The following SDK1 variants were observed in gnomAD, a reference collection of about 807,000 sequenced individuals.
The protein encoded by SDK1 is sidekick cell adhesion molecule 1, also known as protein sidekick-1.
A neutral mutation model predicts 245.5 loss-of-function variants in SDK1; 157 were observed. That is an observed-to-expected ratio of 0.64 (90% CI 0.56 to 0.73). The LOEUF is 0.73. Among genes scored for constraint, SDK1 ranks in the 30% least tolerant of loss-of-function variants. The probability of loss-of-function intolerance (pLI) is 0.00; values close to 1 mark genes in which losing one functional copy is unlikely to be tolerated. For missense variants in SDK1, 3,583 were observed against 3,002.3 expected, an observed-to-expected ratio of 1.19 and a Z score of -4.52; for synonymous variants, 1,647 against 1,278.5, an observed-to-expected ratio of 1.29 and a Z score of -6.15.
rs182500683 is a variant in SDK1 at position 3,397,520 on chromosome 7, C to G, written c.298+95636C>G. On this transcript the variant is annotated intron_variant, in intron 1 of 44. Transcript: ENST00000404826. ...TTTGAATATGTCACATCAGTGCCTT[C>G]TGGTCTTTATGGTTTCTAACAAGAA... Among the ~76,000 whole-genome samples, 139 of 151,044 alleles carry G rather than the reference C, an allele frequency of 9.2e-4. 2 individuals carry two copies. Among genetic ancestry groups the G allele is most frequent in the Non-Finnish European group, 1.4e-3 (97 of 67,730 alleles).
At chr7:4,109,441 T>G (rs1382424714) in intron 22 of SDK1, among the ~76,000 whole-genome samples, 1 of 152,238 alleles carries the variant, frequency 6.6e-6, no homozygotes, top group Non-Finnish European at 1.5e-5. Context: ...GCACACTTAG[T>G]GAGCACGTTT....
intron 34 of SDK1, among the ~76,000 whole-genome samples, chr7:4,176,649 A>T (rs1782230460): frequency 6.6e-6 from 1 of 152,128 alleles, no homozygotes; most frequent in Admixed American, 6.5e-5. Context: ...CTAATTCGTT[A>T]TACCCCTCCC....
intron 5 of SDK1, among the ~76,000 whole-genome samples, chr7:3,898,753 A>G (rs12532171): frequency 0.21 from 32,323 of 152,036 alleles, 3,661 homozygotes; most frequent in Middle Eastern, 0.33. Flanking sequence ...TTGATTGCCA[A>G]ACTAAGTCTT....
At chr7:3,609,333 C>G (rs1237662654) in intron 1 of SDK1, among the ~76,000 whole-genome samples, 1 of 152,094 alleles carries the variant, frequency 6.6e-6, no homozygotes, top group African/African-American at 2.4e-5. Context: ...ATTGAGAAAC[C>G]CAGACATAGG....
intron 7 of SDK1, among the ~76,000 whole-genome samples, chr7:3,953,892 T>G (rs532065588): frequency 1.3e-5 from 2 of 152,314 alleles, no homozygotes; most frequent in Non-Finnish European, 2.9e-5. Context: ...TGGCGCACAC[T>G]GCAAAAACCC....
chr7:3,303,094 T>C (rs1779323583), intron 1 of SDK1, among the ~76,000 whole-genome samples: 1 of 152,248 alleles, frequency 6.6e-6, no homozygotes, highest in African/African-American at 2.4e-5. Flanking sequence ...ATGCTCCCTC[T>C]TATGTTTTAC....
chr7:3,591,669 G>A (rs991115936), intron 1 of SDK1, among the ~76,000 whole-genome samples: 2 of 152,220 alleles, frequency 1.3e-5, no homozygotes, highest in Admixed American at 6.5e-5. Flanking sequence ...AAGTGTTAAT[G>A]ATCACTGTGG....
In SDK1 at chr7:3,958,946, C is replaced by T. The variant is rs199574149; in HGVS notation, c.1166C>T (p.Thr389Ile). 6.8e-6 allele frequency: 11 copies of T among 1,613,864 alleles called. No homozygotes were observed. The African/African-American group carries it at 1.5e-4, about 22-fold the overall frequency. ...TTGTTTGAAGAGCCACCATATTTTA[C>T]TGCTGAGCCCGAGAGTCGGATTTCA... is the stretch of plus-strand genomic sequence containing the variant. ...FLFIIEPPYF[T>I]AEPESRISAE... The change falls in exon 8 of 45, where the codon ACT becomes ATT. Residue 389 changes from threonine to isoleucine, a missense_variant. Coordinates refer to ENST00000404826, the MANE Select transcript of SDK1 (RefSeq NM_152744.4).
intron 1 of SDK1, among the ~76,000 whole-genome samples, chr7:3,497,750 A>T (rs949948569): frequency 5.3e-5 from 8 of 152,210 alleles, no homozygotes; most frequent in African/African-American, 1.9e-4. Flanking sequence ...TAGGCCATGG[A>T]GAGCTTTTGA....
chr7:3,826,592 A>G (rs1208678638), intron 5 of SDK1, among the ~76,000 whole-genome samples: 1 of 152,182 alleles, frequency 6.6e-6, no homozygotes, highest in Non-Finnish European at 1.5e-5. Flanking sequence ...GAGTTAGTTT[A>G]GATAAAACGA....
intron 16 of SDK1, among the ~76,000 whole-genome samples, chr7:4,013,670 AC>A (rs1786161178): frequency 6.6e-6 from 1 of 152,210 alleles, no homozygotes; most frequent in African/African-American, 2.4e-5. Flanking sequence ...GCCTGTCAAA[AC>A]CAATTTGCCG....
At chr7:3,950,697 T>C (rs1780773113) in intron 5 of SDK1, among the ~76,000 whole-genome samples, 1 of 152,166 alleles carries the variant, frequency 6.6e-6, no homozygotes, top group African/African-American at 2.4e-5. Flanking sequence ...GTAGCCCCGT[T>C]GTAAGTTGAG....
At chr7:3,926,499 C>G (rs148176994) in intron 5 of SDK1, among the ~76,000 whole-genome samples, 10 of 152,160 alleles carry the variant, frequency 6.6e-5, no homozygotes, top group African/African-American at 2.2e-4. Flanking sequence ...CTCGCTCTTT[C>G]ACCCAGTCTG....
chr7:4,206,481 C>A (rs1463937292), intron 36 of SDK1, among the ~76,000 whole-genome samples: 5 of 152,228 alleles, frequency 3.3e-5, no homozygotes, highest in African/African-American at 1.2e-4. Context: ...TCATTCCTCA[C>A]AAGGTCCCAG....
chr7:3,532,033 A>T (rs1416697208), intron 1 of SDK1, among the ~76,000 whole-genome samples: 1 of 152,234 alleles, frequency 6.6e-6, no homozygotes, highest in Admixed American at 6.5e-5. Context: ...CTTAAACTTC[A>T]AGGACTGAAA....
chr7:3,920,472 A>C (rs1342554628), intron 5 of SDK1, among the ~76,000 whole-genome samples: 1 of 152,112 alleles, frequency 6.6e-6, no homozygotes, highest in African/African-American at 2.4e-5. Context: ...GTAGCTTCTA[A>C]GACTGTGTTT....
intron 4 of SDK1, among the ~76,000 whole-genome samples, chr7:3,792,777 C>T (rs1345952472): frequency 6.6e-6 from 1 of 151,958 alleles, no homozygotes; most frequent in Admixed American, 6.6e-5. Context: ...CTCCCATCCA[C>T]CCATCCATCC....
intron 4 of SDK1, among the ~76,000 whole-genome samples, chr7:3,740,773 C>A (rs1210831961): frequency 6.6e-6 from 1 of 152,180 alleles, no homozygotes; most frequent in Non-Finnish European, 1.5e-5. Context: ...TAGATTGTTG[C>A]AAGCCTTTGA....
intron 4 of SDK1, among the ~76,000 whole-genome samples, chr7:3,740,645 G>T (rs1779452535): frequency 6.6e-6 from 1 of 152,086 alleles, no homozygotes; most frequent in African/African-American, 2.4e-5. Flanking sequence ...CAAGACTGTT[G>T]GTTTTCAAGG....
Sources: gnomAD v4.1 joint callset for allele counts (sites outside exome capture counted in the v4.1 genomes callset) on GRCh38, gnomAD v4.1.1 for gene constraint, MANE v1.5 for transcripts, NCBI Gene and HGNC (gene_info 2026-07-23, HGNC 2026-07-21) for gene names.